The following SGCG variants were observed in gnomAD, a reference collection of about 807,000 sequenced individuals.
SGCG encodes the protein sarcoglycan gamma, also known as gamma-sarcoglycan.
SGCG carries 26 observed loss-of-function variants against 29.3 expected under a neutral mutation model. That is an observed-to-expected ratio of 0.89 (90% CI 0.65 to 1.23). The LOEUF (loss-of-function observed/expected upper bound fraction) is 1.23, where lower values mean the gene tolerates loss of function less well. Ranked by LOEUF, SGCG falls within the 50% of genes most tolerant of loss-of-function variation. The probability of loss-of-function intolerance (pLI) is 0.00; values close to 1 mark genes in which losing one functional copy is unlikely to be tolerated. For synonymous variants in SGCG, 145 were observed against 129.7 expected, an observed-to-expected ratio of 1.12 and a Z score of -0.80; for missense variants, 353 against 356.0, an observed-to-expected ratio of 0.99 and a Z score of 0.07.
chr13:23,211,263 G>A (rs2137512324), intron 2 of SGCG, among the ~76,000 whole-genome samples: 1 of 152,236 alleles, frequency 6.6e-6, no homozygotes, highest in Middle Eastern at 3.4e-3. Flanking sequence ...AGATCCCTGG[G>A]GAAGGAGGAG....
the SGCG span, among the ~76,000 whole-genome samples, chr13:23,161,343 C>T: frequency 1.3e-5 from 2 of 152,210 alleles, no homozygotes; most frequent in African/African-American, 2.4e-5. Context: ...AATGTTAGCA[C>T]GGCACCAGCC....
chr13:23,285,954 T>C (rs1245263711), intron 5 of SGCG, among the ~76,000 whole-genome samples: 1 of 152,040 alleles, frequency 6.6e-6, no homozygotes, highest in Non-Finnish European at 1.5e-5. Flanking sequence ...GTCTAACCAG[T>C]CCCAATGAGA....
chr13:23,277,765 C>G (rs1410332057), intron 4 of SGCG, among the ~76,000 whole-genome samples: 5 of 141,100 alleles, frequency 3.5e-5, no homozygotes, highest in African/African-American at 1.3e-4. Flanking sequence ...GTGGCGTGAT[C>G]TCGGCTCACT....
At chr13:23,178,723 TCTTA>T (rs1876636141), upstream of SGCG, among the ~76,000 whole-genome samples, 1 of 152,184 alleles carries the variant, frequency 6.6e-6, no homozygotes, top group Non-Finnish European at 1.5e-5. Flanking sequence ...TAACCTCACC[TCTTA>T]CTTCATCTCA....
intron 1 of SGCG, among the ~76,000 whole-genome samples, chr13:23,184,023 A>C (rs1200109506): frequency 1.3e-5 from 2 of 152,254 alleles, no homozygotes; most frequent in Non-Finnish European, 2.9e-5. Flanking sequence ...TGTTGTCTCC[A>C]TACTGGAATG....
Position 23,295,435 on chromosome 13 carries a change from G to T in SGCG, c.526G>T (p.Glu176Ter), listed in dbSNP as rs768134426. 2 of 1,613,870 alleles carry T rather than the reference G, an allele frequency of 1.2e-6. No individual in the cohort carries two copies. Among genetic ancestry groups the T allele is most frequent in the Non-Finnish European group, 1.7e-6 (2 of 1,179,884 alleles). The part of the protein sequence containing the change: ...RVTGPEGALF[E>*]HSVETPLVRA... ...TTTAGGGCCTGAAGGGGCTCTTTTT[G>T]AACATTCAGTGGAGACACCCCTTGT... The change falls in exon 6 of 8, where the codon GAA becomes TAA. Residue 176 changes from glutamate to a stop codon, truncating the protein, a stop_gained. Coordinates refer to ENST00000218867, the MANE Select transcript of SGCG (RefSeq NM_000231.3). LOFTEE classifies it high-confidence loss of function.
At chr13:23,217,108 A>G (rs2137521273) in intron 2 of SGCG, among the ~76,000 whole-genome samples, 1 of 152,260 alleles carries the variant, frequency 6.6e-6, no homozygotes, top group African/African-American at 2.4e-5. Context: ...TTCCAAATTA[A>G]GAGACTACTG....
intron 3 of SGCG, among the ~76,000 whole-genome samples, chr13:23,242,588 A>C (rs934531881): frequency 6.6e-6 from 1 of 152,202 alleles, no homozygotes; most frequent in African/African-American, 2.4e-5. Flanking sequence ...AGTTCAATTG[A>C]GATGAATAGA....
chr13:23,251,477 A>G (rs1055303234), intron 4 of SGCG, among the ~76,000 whole-genome samples: 1 of 152,208 alleles, frequency 6.6e-6, no homozygotes, highest in African/African-American at 2.4e-5. Context: ...CAGAAGAGCA[A>G]ACCAGCTGGT....
the SGCG span, among the ~76,000 whole-genome samples, chr13:23,163,083 G>A: frequency 5.3e-5 from 8 of 152,170 alleles, no homozygotes; most frequent in East Asian, 1.9e-4. Context: ...GCCAATTTTC[G>A]TAGGTTTTCT....
intron 6 of SGCG, among the ~76,000 whole-genome samples, chr13:23,316,038 A>C (rs1054847390): frequency 2.0e-5 from 3 of 152,098 alleles, no homozygotes; most frequent in African/African-American, 7.2e-5. Context: ...GCAGGGATGG[A>C]GGTTACGCAT....
In SGCG at chr13:23,307,982, GT is replaced by G. The variant is rs1302517342; in HGVS notation, c.578+12496del. ...AACCCACATATGGGTCTCTATAAAT[GT>G]CAACATTACACCTATGTGTAATGTT... On this transcript the variant is annotated intron_variant, in intron 6 of 7. Coordinates refer to ENST00000218867, the MANE Select transcript of SGCG (RefSeq NM_000231.3). Among the ~76,000 whole-genome samples, 140 of 152,224 alleles carry G rather than the reference GT, an allele frequency of 9.2e-4. 3 individuals are homozygous for G. In the South Asian group the frequency reaches 0.027, roughly 29 times the overall value.
At chr13:23,196,424 C>G (rs1221587984) in intron 1 of SGCG, among the ~76,000 whole-genome samples, 1 of 152,094 alleles carries the variant, frequency 6.6e-6, no homozygotes, top group Non-Finnish European at 1.5e-5. Flanking sequence ...AGCAGCATGT[C>G]TCTTTTTCAA....
intron 2 of SGCG, chr13:23,217,463 T>C (rs1166506529): frequency 6.6e-6 from 1 of 152,138 alleles, no homozygotes; most frequent in Non-Finnish European, 1.5e-5. Flanking sequence ...AAGTTGTGTG[T>C]CATCCTTATA....
At chr13:23,211,709 C>T (rs1401766545) in intron 2 of SGCG, among the ~76,000 whole-genome samples, 1 of 152,172 alleles carries the variant, frequency 6.6e-6, no homozygotes, top group Non-Finnish European at 1.5e-5. Flanking sequence ...GCACAGTTAC[C>T]TCTGCAGTCT....
intron 4 of SGCG, among the ~76,000 whole-genome samples, chr13:23,264,730 C>T (rs1464835653): frequency 6.6e-6 from 1 of 152,104 alleles, no homozygotes. Flanking sequence ...AAAGTAGATA[C>T]ATAGATCAAT....
intron 4 of SGCG, among the ~76,000 whole-genome samples, chr13:23,254,063 A>C (rs988238801): frequency 5.9e-5 from 9 of 152,334 alleles, no homozygotes; most frequent in Non-Finnish European, 1.3e-4. Context: ...GTAAGAATCG[A>C]GTAACACAGA....
chr13:23,177,174 T>C (rs597425), upstream of SGCG, among the ~76,000 whole-genome samples: 13,595 of 151,916 alleles, frequency 0.089, 859 homozygotes, highest in African/African-American at 0.18. Context: ...TAGAAGTTGA[T>C]CTCCTAGAAG....
chr13:23,294,509 G>A (rs959026014), intron 5 of SGCG, among the ~76,000 whole-genome samples: 1 of 152,076 alleles, frequency 6.6e-6, no homozygotes, highest in Non-Finnish European at 1.5e-5. Flanking sequence ...TTAAGGTTCA[G>A]ACCCACTTCA....
Sources: allele counts gnomAD v4.1 joint callset (sites outside exome capture counted in the v4.1 genomes callset), GRCh38; gene constraint gnomAD v4.1.1; transcripts MANE v1.5; gene names NCBI Gene and HGNC (gene_info 2026-07-23, HGNC 2026-07-21).